Variants in SEZ6L observed in about 807,000 individuals in gnomAD.
SEZ6L encodes seizure 6-like protein.
SEZ6L carries 37 observed loss-of-function variants against 106.2 expected under a neutral mutation model. The ratio of observed to expected loss-of-function variants is 0.35; its 90% CI spans 0.27 to 0.46. SEZ6L has a LOEUF of 0.46. Ranked by LOEUF, SEZ6L falls within the 20% of genes least tolerant of loss-of-function variation. SEZ6L has a pLI of 1.00. For missense variants in SEZ6L, 1,172 were observed against 1,332.8 expected, an observed-to-expected ratio of 0.88 and a Z score of 1.88; for synonymous variants, 541 against 570.4, an observed-to-expected ratio of 0.95 and a Z score of 0.73.
chr22:26,227,753 G>C (rs2078677405), intron 1 of SEZ6L, among the ~76,000 whole-genome samples: 1 of 152,266 alleles, frequency 6.6e-6, no homozygotes, highest in East Asian at 1.9e-4. Context: ...GATTGGGTCT[G>C]TCACCTCCAA....
At chr22:26,281,541 CT>C (rs368386523) in intron 1 of SEZ6L, among the ~76,000 whole-genome samples, 19,502 of 151,590 alleles carry the variant, frequency 0.13, 1,342 homozygotes, top group Middle Eastern at 0.2. Flanking sequence ...TGGCCGGCTA[CT>C]TTTTTTAAAT....
intron 1 of SEZ6L, chr22:26,244,731 C>T (rs1306727166): frequency 3.9e-5 from 2 of 51,278 alleles, no homozygotes; most frequent in Non-Finnish European, 8.5e-5. Flanking sequence ...TTATTCCTCC[C>T]TTCTTTTATA....
chr22:26,296,123 C>G (rs1419668207), intron 3 of SEZ6L, among the ~76,000 whole-genome samples: 1 of 152,166 alleles, frequency 6.6e-6, no homozygotes, highest in Non-Finnish European at 1.5e-5. Context: ...TTCTCCCTTA[C>G]ACACACACGC....
At chr22:26,360,795 G>A (rs2083591063) in intron 12 of SEZ6L, among the ~76,000 whole-genome samples, 1 of 151,982 alleles carries the variant, frequency 6.6e-6, no homozygotes, top group African/African-American at 2.4e-5. Context: ...AGTTTTGGGA[G>A]AACAGAAAAC....
intron 1 of SEZ6L, among the ~76,000 whole-genome samples, chr22:26,260,445 C>T (rs1397208562): frequency 6.6e-6 from 1 of 152,108 alleles, no homozygotes; most frequent in African/African-American, 2.4e-5. Context: ...GTTCCATCCA[C>T]GTTGCTTCAA....
At chr22:26,222,809 T>C (rs2078516995) in intron 1 of SEZ6L, among the ~76,000 whole-genome samples, 1 of 152,200 alleles carries the variant, frequency 6.6e-6, no homozygotes, top group African/African-American at 2.4e-5. Context: ...TTGCTGTTGT[T>C]AGAATTTTAT....
intron 13 of SEZ6L, among the ~76,000 whole-genome samples, chr22:26,366,624 C>G (rs1420365501): frequency 6.6e-6 from 1 of 152,052 alleles, no homozygotes; most frequent in Non-Finnish European, 1.5e-5. Flanking sequence ...GGGAGGATCA[C>G]TTGATCCCAG....
At chr22:26,293,170 G>A in intron 2 of SEZ6L, 24 bp downstream of exon 2, 1 of 1,483,192 alleles carries the variant, frequency 6.7e-7, no homozygotes, top group Non-Finnish European at 8.9e-7. Context: ...AACTCCTGAA[G>A]CCATCCTGAA....
chr22:26,373,316 C>A, intron 13 of SEZ6L, 135 bp from the exon 14 acceptor site: 1 of 706,910 alleles, frequency 1.4e-6, no homozygotes, highest in East Asian at 2.6e-5. Flanking sequence ...TATAGTGGCC[C>A]AAGATAAGTA....
At chr22:26,227,744 A>G (rs1481219734) in intron 1 of SEZ6L, among the ~76,000 whole-genome samples, 1 of 152,136 alleles carries the variant, frequency 6.6e-6, no homozygotes, top group Non-Finnish European at 1.5e-5. Context: ...ATTATGAGTG[A>G]TTGGGTCTGT....
intron 1 of SEZ6L, among the ~76,000 whole-genome samples, chr22:26,286,319 G>C (rs1416805886): frequency 1.3e-5 from 2 of 152,160 alleles, no homozygotes; most frequent in Non-Finnish European, 2.9e-5. Flanking sequence ...TCAATCACCA[G>C]GGGCTAGAGA....
chr22:26,287,051 C>T (rs28562140), intron 1 of SEZ6L, among the ~76,000 whole-genome samples: 5,913 of 143,248 alleles, frequency 0.041, 120 homozygotes, highest in Middle Eastern at 0.069. Flanking sequence ...CCCGGTCGAG[C>T]TTGTGCTTTT....
intron 9 of SEZ6L, among the ~76,000 whole-genome samples, chr22:26,325,947 AC>A: frequency 6.6e-6 from 1 of 151,806 alleles, no homozygotes; most frequent in Non-Finnish European, 1.5e-5. Context: ...ACACACACAC[AC>A]ACACACATTG....
intron 13 of SEZ6L, among the ~76,000 whole-genome samples, chr22:26,370,561 C>T (rs2083995598): frequency 1.3e-5 from 2 of 152,100 alleles, no homozygotes; most frequent in African/African-American, 4.8e-5. Flanking sequence ...GAGCAGTTTT[C>T]CTCTCTCCTC....
intron 9 of SEZ6L, among the ~76,000 whole-genome samples, chr22:26,314,607 G>A (rs1434614963): frequency 6.7e-6 from 1 of 149,032 alleles, no homozygotes; most frequent in African/African-American, 2.5e-5. Flanking sequence ...GAAAAAAAAT[G>A]TTTTTAATGA....
intron 12 of SEZ6L, among the ~76,000 whole-genome samples, chr22:26,359,448 T>C (rs2083540736): frequency 6.6e-6 from 1 of 152,200 alleles, no homozygotes; most frequent in Admixed American, 6.5e-5. Context: ...ACTAACTAGC[T>C]TGTGACCTTT....
At position 26,382,165 on chromosome 22, in the gene SEZ6L, C is replaced by T; in HGVS notation, c.*1870C>T. ...AATAGCTAAAGGCTGCTTTCCAGGA[C>T]CCAAAGCCCCATTTAATGCAAGAAC... On this transcript the variant is annotated 3_prime_UTR_variant, in exon 17 of 17. Coordinates refer to ENST00000248933, the MANE Select transcript of SEZ6L (RefSeq NM_021115.5). 4.8e-6 allele frequency: 2 copies of T among 413,810 alleles called. No homozygotes were observed. Among genetic ancestry groups the T allele is most frequent in the Non-Finnish European group, 9.6e-6 (2 of 207,948 alleles). The allele number at this position is 413,810 out of a possible 1,614,324, so 25.6% of individuals were successfully genotyped here. A position where few individuals can be genotyped will look rare whatever the true frequency, so the allele number is the denominator to read the frequency against.
intron 6 of SEZ6L, among the ~76,000 whole-genome samples, chr22:26,308,302 A>G (rs920915197): frequency 1.3e-5 from 2 of 150,636 alleles, no homozygotes; most frequent in Non-Finnish European, 2.9e-5. Flanking sequence ...GATGAGCACA[A>G]AGATGGAGGG....
chr22:26,361,368 T>G (rs1037012590), intron 12 of SEZ6L, among the ~76,000 whole-genome samples: 2 of 143,562 alleles, frequency 1.4e-5, no homozygotes, highest in East Asian at 4.0e-4. Flanking sequence ...TCAGCTAGGC[T>G]TGGTGGCGCA....
Sources: gnomAD v4.1 joint callset for allele counts (sites outside exome capture counted in the v4.1 genomes callset) on GRCh38, gnomAD v4.1.1 for gene constraint, MANE v1.5 for transcripts, NCBI Gene and HGNC (gene_info 2026-07-23, HGNC 2026-07-21) for gene names.